Variants in OR3A2 observed in about 807,000 individuals in gnomAD.
The protein encoded by OR3A2 is olfactory receptor 3A2.
For missense variants in OR3A2, 318 were observed against 392.8 expected (o/e 0.81, Z 1.61); for synonymous variants, 126 against 159.3 (o/e 0.79, Z 1.57).
chr17:3,369,083 T>C (rs778793817), intron 2 of OR3A2, among the ~76,000 whole-genome samples: 11 of 152,222 alleles, frequency 7.2e-5, no homozygotes, highest in Admixed American at 2.6e-4. Context: ...TGGACGTTGA[T>C]TATGTATCCT....
chr17:3,356,797 G>C (rs747579243), intron 2 of OR3A2, among the ~76,000 whole-genome samples: 1 of 151,592 alleles, frequency 6.6e-6, no homozygotes, highest in African/African-American at 2.4e-5. Context: ...TAAGTTTATA[G>C]TAACTATATA....
chr17:3,372,636 T>A (rs1379409087), intron 2 of OR3A2, among the ~76,000 whole-genome samples: 4 of 152,066 alleles, frequency 2.6e-5, no homozygotes, highest in African/African-American at 7.2e-5. Flanking sequence ...AGCCCGGCCA[T>A]CACAGCGAAA....
chr17:3,278,229 C>T (rs369290823), exon 2 of OR3A2: 45 of 1,614,176 alleles, frequency 2.8e-5, no homozygotes, highest in Admixed American at 1.2e-4. Context: ...TGAACGGATT[C>T]GTAGAACTGC....
In OR3A2 at chr17:3,367,601, G is replaced by GTATATATAATATATATATA. The variant is rs2049575498; in HGVS notation, c.-179+16202_-179+16203insTATATATATATTATATATA. On this transcript the variant is annotated intron_variant, in intron 2 of 4. Transcript: ENST00000573491. Reference sequence around the variant, plus strand: ...TGTATATGTATATGTGTGTGTGTGTGTATATATATATATATATATATGCCA... The same window carrying GTATATATAATATATATATA: ...TGTATATGTATATGTGTGTGTGTGTGTATATATAATATATATATATATATATATATATATATATATGCCA... Among the ~76,000 whole-genome samples, 5 of 122,534 alleles carry GTATATATAATATATATATA rather than the reference G, an allele frequency of 4.1e-5. 1 individual carries two copies. The highest frequency in any genetic ancestry group is 1.4e-4 in the African/African-American group (4 of 28,064). The allele number at this position is 122,534 out of a possible 152,430, so 80.4% of individuals were successfully genotyped here.
chr17:3,306,002 T>G (rs1386419916), intron 3 of OR3A2, among the ~76,000 whole-genome samples: 1 of 152,190 alleles, frequency 6.6e-6, no homozygotes, highest in East Asian at 1.9e-4. Context: ...AGTGGCAGGA[T>G]CCTATCTCTG....
downstream of OR3A2, chr17:3,277,128 A>G (rs1054669868): frequency 6.6e-6 from 1 of 151,962 alleles, no homozygotes; most frequent in Non-Finnish European, 1.5e-5. Flanking sequence ...GGGTTTCACT[A>G]TGTTAGTCAG....
intron 2 of OR3A2, among the ~76,000 whole-genome samples, chr17:3,347,239 CT>C (rs56912829): frequency 0.099 from 14,895 of 150,636 alleles, 1,186 homozygotes; most frequent in East Asian, 0.48. Context: ...TGTATGTCTT[CT>C]TTTTTTTTTT....
At chr17:3,340,865 T>A (rs2049311199) in intron 2 of OR3A2, among the ~76,000 whole-genome samples, 1 of 152,128 alleles carries the variant, frequency 6.6e-6, no homozygotes, top group African/African-American at 2.4e-5. Context: ...GACAGTGGGG[T>A]GTTAAAGTCT....
chr17:3,382,287 G>C (rs2049743410), intron 2 of OR3A2, among the ~76,000 whole-genome samples: 1 of 152,218 alleles, frequency 6.6e-6, no homozygotes, highest in Admixed American at 6.5e-5. Flanking sequence ...CATCCAGTAG[G>C]CAAGAGGGAA....
rs563953374 is a variant in OR3A2, at chr17:3,318,492, T to G, written c.-85+17541A>C. Among the ~76,000 whole-genome samples the G allele has an allele frequency of 5.3e-5, 8 of 152,326 alleles. No individual in the cohort carries two copies. In the East Asian group the frequency reaches 1.3e-3, roughly 26 times the overall value. ...TGTAAACGCTAGCCTCCCCTTTATTTGCTTGTTGTCTGCTTATCGAGACCG... is the reference window on the plus strand; with the variant it reads ...TGTAAACGCTAGCCTCCCCTTTATTGGCTTGTTGTCTGCTTATCGAGACCG... On this transcript the variant is annotated intron_variant, in intron 3 of 4. Coordinates refer to the OR3A2 transcript ENST00000573491.
chr17:3,381,264 A>G (rs1198027545), intron 2 of OR3A2, among the ~76,000 whole-genome samples: 1 of 151,546 alleles, frequency 6.6e-6, no homozygotes. Context: ...TGTGCGCTCC[A>G]AAAGTGACCA....
At chr17:3,300,116 T>C (rs1413362364) in intron 3 of OR3A2, among the ~76,000 whole-genome samples, 1 of 151,830 alleles carries the variant, frequency 6.6e-6, no homozygotes, top group Non-Finnish European at 1.5e-5. Flanking sequence ...ACAACTTTTC[T>C]ATAAGACTTT....
intron 2 of OR3A2, among the ~76,000 whole-genome samples, chr17:3,364,264 T>C (rs2049544350): frequency 6.6e-6 from 1 of 152,254 alleles, no homozygotes; most frequent in Non-Finnish European, 1.5e-5. Flanking sequence ...GGGTATAATA[T>C]GTTTTGATAC....
intron 3 of OR3A2, among the ~76,000 whole-genome samples, chr17:3,333,851 T>A (rs1483344975): frequency 6.6e-6 from 1 of 151,958 alleles, no homozygotes; most frequent in Non-Finnish European, 1.5e-5. Flanking sequence ...TTCCAGTCTA[T>A]CCATCTGAAA....
At chr17:3,376,524 A>G (rs1320293162) in intron 2 of OR3A2, among the ~76,000 whole-genome samples, 1 of 152,144 alleles carries the variant, frequency 6.6e-6, no homozygotes, top group East Asian at 1.9e-4. Flanking sequence ...CCCAGGGGGA[A>G]TATGGCTGCC....
chr17:3,353,857 T>C (rs1484446435), intron 2 of OR3A2, among the ~76,000 whole-genome samples: 1 of 150,408 alleles, frequency 6.6e-6, no homozygotes, highest in African/African-American at 2.5e-5. Context: ...TACCATTAAG[T>C]TATTATTGAC....
chr17:3,349,484 A>G (rs1043947036), intron 2 of OR3A2, among the ~76,000 whole-genome samples: 12 of 152,262 alleles, frequency 7.9e-5, no homozygotes, highest in Non-Finnish European at 1.5e-4. Flanking sequence ...AGAGCTAACT[A>G]TCCTAAATAT....
At chr17:3,342,707 G>A (rs535892141) in intron 2 of OR3A2, among the ~76,000 whole-genome samples, 4 of 152,322 alleles carry the variant, frequency 2.6e-5, no homozygotes. Flanking sequence ...CCTACTGGGA[G>A]GTGTCTCCAA....
intron 2 of OR3A2, among the ~76,000 whole-genome samples, chr17:3,364,714 C>T (rs1351047250): frequency 6.6e-6 from 1 of 152,116 alleles, no homozygotes; most frequent in Admixed American, 6.5e-5. Flanking sequence ...CCAGAATTAC[C>T]ATATGATCCA....
Sources: gnomAD v4.1 joint callset for allele counts (sites outside exome capture counted in the v4.1 genomes callset) on GRCh38, gnomAD v4.1.1 for gene constraint, MANE v1.5 for transcripts, NCBI Gene and HGNC (gene_info 2026-07-23, HGNC 2026-07-21) for gene names.